Variants in MOK observed in about 807,000 individuals in gnomAD.
MOK encodes MAPK/MAK/MRK overlapping kinase.
MOK carries 59 observed loss-of-function variants against 54.2 expected under a neutral mutation model. The ratio of observed to expected loss-of-function variants is 1.09; its 90% CI spans 0.88 to 1.35. The LOEUF is 1.35. Among genes scored for constraint, MOK ranks in the 40% most tolerant of loss-of-function variants. MOK has a pLI of 0.00. For missense variants in MOK, 517 were observed against 526.2 expected (o/e 0.98, Z 0.17); for synonymous variants, 210 against 202.7 (o/e 1.04, Z -0.31).
chr14:102,294,290 CA>C (rs906058848), intron 1 of MOK, among the ~76,000 whole-genome samples: 3 of 151,806 alleles, frequency 2.0e-5, no homozygotes, highest in Admixed American at 1.3e-4. Flanking sequence ...ACTAAAAATA[CA>C]AAAAATTAGC....
In MOK at chr14:102,249,042, C is replaced by A. The variant is rs2066325415; in HGVS notation, c.590+1770G>T. ...ACGGAACGCGAGGAACTCAGCCTGG[C>A]GTGTGCAGCGACCCTCACCACACGG... On this transcript the variant is annotated intron_variant, in intron 7 of 11. Transcript: ENST00000361847. The surrounding 1 kb of genome is among the most constrained non-coding windows in gnomAD (Gnocchi z 5.3). 6.6e-6 allele frequency among the ~76,000 whole-genome samples: 1 copy of A among 151,944 alleles called. No individual in the cohort carries two copies. The highest frequency in any genetic ancestry group is 2.4e-5 in the African/African-American group (1 of 41,366).
chr14:102,299,554 T>C (rs1255437481), intron 1 of MOK, among the ~76,000 whole-genome samples: 1 of 152,096 alleles, frequency 6.6e-6, no homozygotes, highest in Non-Finnish European at 1.5e-5. Flanking sequence ...AATAGCAAAC[T>C]GTTACCGTCT....
chr14:102,251,493 G>T, intron 6 of MOK: 1 of 542,168 alleles, frequency 1.8e-6, no homozygotes, highest in South Asian at 1.6e-5. Flanking sequence ...AGGTTTGAAC[G>T]GCCGTCTGAA....
the MOK span, among the ~76,000 whole-genome samples, chr14:102,219,414 T>C: frequency 3.9e-5 from 6 of 152,220 alleles, no homozygotes; most frequent in African/African-American, 1.4e-4. Flanking sequence ...TCGCACCCCC[T>C]GCTTCTGGGC....
chr14:102,227,467 A>C (rs988112320), downstream of MOK, among the ~76,000 whole-genome samples: 3 of 151,890 alleles, frequency 2.0e-5, no homozygotes, highest in African/African-American at 7.3e-5. Flanking sequence ...CCCCCTGCTC[A>C]GACACCTCCC....
chr14:102,304,903 T>TG, intron 1 of MOK, 59 bp downstream of exon 1: 1 of 1,390,718 alleles, frequency 7.2e-7, no homozygotes. Context: ...GCTCCCCCAG[T>TG]CCCTCCCTCC....
downstream of MOK, among the ~76,000 whole-genome samples, chr14:102,228,432 C>A (rs972613140): frequency 6.6e-6 from 1 of 152,206 alleles, no homozygotes; most frequent in Non-Finnish European, 1.5e-5. Flanking sequence ...CGCGGTGGCT[C>A]ATGCCTGTAA....
At chr14:102,267,080 G>T (rs2067974211) in intron 2 of MOK, among the ~76,000 whole-genome samples, 1 of 152,164 alleles carries the variant, frequency 6.6e-6, no homozygotes, top group Non-Finnish European at 1.5e-5. Context: ...GTAGGCCCAT[G>T]GGGTCACACC....
chr14:102,220,387 A>G (rs1208534828), downstream of MOK, among the ~76,000 whole-genome samples: 3 of 152,358 alleles, frequency 2.0e-5, no homozygotes, highest in African/African-American at 7.2e-5. This position sits in a 1 kb window ranked among gnomAD's most constrained non-coding sequence, Gnocchi z 4.2. Context: ...AGTCATTAGT[A>G]ATTTTTATAT....
At chr14:102,250,191 A>AC (rs887528261) in intron 7 of MOK, among the ~76,000 whole-genome samples, 1 of 151,912 alleles carries the variant, frequency 6.6e-6, no homozygotes, top group Admixed American at 6.6e-5. Context: ...CCTCAGATGC[A>AC]CCCCCAGACC....
At chr14:102,270,696 A>T (rs948633945) in intron 2 of MOK, among the ~76,000 whole-genome samples, 1 of 152,224 alleles carries the variant, frequency 6.6e-6, no homozygotes, top group Non-Finnish European at 1.5e-5. Context: ...CAAAAAACAC[A>T]GTTACCAAAT....
At chr14:102,273,481 A>G (rs1183066851) in intron 2 of MOK, among the ~76,000 whole-genome samples, 2 of 152,096 alleles carry the variant, frequency 1.3e-5, no homozygotes, top group Non-Finnish European at 2.9e-5. Context: ...GTGAAACTAC[A>G]AAACAGCTGA....
chr14:102,265,640 A>G (rs141045085), intron 3 of MOK, among the ~76,000 whole-genome samples, 183 bp downstream of exon 3: 1 of 152,232 alleles, frequency 6.6e-6, no homozygotes, highest in East Asian at 1.9e-4. Flanking sequence ...CTCAAAAAAT[A>G]ATAATAAAAA....
At chr14:102,257,940 G>A (rs1270173268) in intron 4 of MOK, among the ~76,000 whole-genome samples, 1 of 149,134 alleles carries the variant, frequency 6.7e-6, no homozygotes, top group Non-Finnish European at 1.5e-5. Flanking sequence ...TCACGCCACT[G>A]CACTCCAGCC....
intron 2 of MOK, 38 bp from the exon 3 acceptor site, chr14:102,265,950 T>C: frequency 7.1e-7 from 1 of 1,412,644 alleles, no homozygotes; most frequent in Non-Finnish European, 9.9e-7. Flanking sequence ...CATTCACAGT[T>C]TAGGTCAACT....
At chr14:102,216,747 T>G in the MOK span, among the ~76,000 whole-genome samples, 14 of 152,172 alleles carry the variant, frequency 9.2e-5, no homozygotes, top group Admixed American at 2.0e-4. Flanking sequence ...CCAGCCATCA[T>G]GGCAAACCCC....
chr14:102,229,816 G>A, intron 10 of MOK, 159 bp from the exon 11 acceptor site: 1 of 684,168 alleles, frequency 1.5e-6, no homozygotes, highest in Non-Finnish European at 2.4e-6. Flanking sequence ...ACACCCCAAG[G>A]GAGTGGCTGC....
chr14:102,229,078 G>C lies in MOK; in HGVS notation c.*211C>G. On this transcript the variant is annotated 3_prime_UTR_variant, in exon 12 of 12. Coordinates refer to ENST00000361847, the MANE Select transcript of MOK (RefSeq NM_014226.3). ...ATGAAAGAAAACCCTAGAATGCGGT[G>C]GTTTTACAAGTATATTAGCCCAGAA... 1 of 515,928 alleles carries C rather than the reference G, an allele frequency of 1.9e-6. No homozygotes were observed. Among genetic ancestry groups the C allele is most frequent in the East Asian group, 3.1e-5 (1 of 32,426 alleles). The allele number at this position is 515,928 out of a possible 1,614,324, so 32.0% of individuals were successfully genotyped here. A position where few individuals can be genotyped will look rare whatever the true frequency, so the allele number is the denominator to read the frequency against.
At chr14:102,268,344 C>T (rs1240795233) in intron 2 of MOK, among the ~76,000 whole-genome samples, 1 of 151,568 alleles carries the variant, frequency 6.6e-6, no homozygotes, top group African/African-American at 2.4e-5. Context: ...AAATTCAAAT[C>T]AACTCTGTCC....
Sources: gnomAD v4.1 joint callset for allele counts (sites outside exome capture counted in the v4.1 genomes callset) on GRCh38, gnomAD v4.1.1 for gene constraint, Gnocchi (gnomAD v3.1) non-coding constraint, MANE v1.5 for transcripts, NCBI Gene and HGNC (gene_info 2026-07-23, HGNC 2026-07-21) for gene names.